STIM2: variants seen among roughly 807,000 people sequenced by gnomAD.
The protein encoded by STIM2 is stromal interaction molecule 2.
Under a neutral mutation model 85.8 loss-of-function variants are expected in STIM2, and 31 were observed. The observed-to-expected ratio is 0.36, with a 90% confidence interval of 0.27 to 0.49. The LOEUF is 0.49. Ranked by LOEUF, STIM2 falls within the 20% of genes least tolerant of loss-of-function variation. STIM2 has a pLI of 0.98. For synonymous variants in STIM2, 356 were observed against 331.1 expected (o/e 1.08, Z -0.82); for missense variants, 841 against 927.6 (o/e 0.91, Z 1.21).
chr4:27,001,374 C>G (rs146847917), intron 5 of STIM2, among the ~76,000 whole-genome samples: 436 of 152,228 alleles, frequency 2.9e-3, no homozygotes, highest in African/African-American at 0.01. Context: ...GGCCCTGGCT[C>G]CTCACTCTTT....
intron 1 of STIM2, among the ~76,000 whole-genome samples, chr4:26,896,288 T>G (rs917904448): frequency 1.3e-5 from 2 of 152,226 alleles, no homozygotes; most frequent in African/African-American, 4.8e-5. Flanking sequence ...CTGGGATAAA[T>G]TTCCTTTTGA....
chr4:26,861,695 A>ATTTTTTTTTTT, intron 1 of STIM2: 1 of 123,992 alleles, frequency 8.1e-6, no homozygotes, highest in Non-Finnish European at 1.6e-5. Flanking sequence ...GACTGGGCTG[A>ATTTTTTTTTTT]TTTTTTTTTT....
In STIM2 at chr4:27,022,506, G is replaced by T; in HGVS notation, c.1764-13G>T. 1 of 1,562,754 alleles carries T rather than the reference G, an allele frequency of 6.4e-7. No homozygotes were observed. The highest frequency in any genetic ancestry group is 8.7e-7 in the Non-Finnish European group (1 of 1,148,934). On this transcript the variant is annotated splice_polypyrimidine_tract_variant and intron_variant, in intron 11 of 11. Coordinates refer to ENST00000467087, the MANE Select transcript of STIM2 (RefSeq NM_020860.4). ...TGATTTAAAATTTGTACCTTTGTTT[G>T]TGTTTCATTCAGGGAAGTGCCAGAC...
intron 3 of STIM2, among the ~76,000 whole-genome samples, chr4:26,986,492 T>C (rs964773029): frequency 6.6e-6 from 1 of 152,218 alleles, no homozygotes; most frequent in Non-Finnish European, 1.5e-5. Context: ...GGCTAAGTGC[T>C]TTGGGTGCAT....
Position 27,009,818 on chromosome 4 carries a change from C to G in STIM2, c.1489+816C>G, listed in dbSNP as rs913959387. On this transcript the variant is annotated intron_variant, in intron 10 of 11. Coordinates refer to ENST00000467087, the MANE Select transcript of STIM2 (RefSeq NM_020860.4). ...TATTTGTTTATTTGAATTATATGCACTTAAGCTTGCCAAATGCAACACTGA... is the reference window on the plus strand; with the variant it reads ...TATTTGTTTATTTGAATTATATGCAGTTAAGCTTGCCAAATGCAACACTGA... Among the ~76,000 whole-genome samples the G allele has an allele frequency of 3.9e-5, 6 of 152,176 alleles. No individual in the cohort carries two copies. The East Asian group carries it at 1.2e-3, about 29-fold the overall frequency.
intron 11 of STIM2, 54 bp downstream of exon 11, chr4:27,018,038 T>G (rs1728795227): frequency 1.2e-5 from 19 of 1,588,184 alleles, no homozygotes; most frequent in Non-Finnish European, 1.6e-5. Context: ...GGGGGTAAGG[T>G]GTGAGGAGGG....
intron 2 of STIM2, among the ~76,000 whole-genome samples, chr4:26,941,682 C>T (rs926771135): frequency 6.6e-6 from 1 of 150,798 alleles, no homozygotes; most frequent in Non-Finnish European, 1.5e-5. Flanking sequence ...AATGGGATCT[C>T]CTAATTATTG....
At chr4:27,020,915 C>A in intron 11 of STIM2, 1 of 1,240,172 alleles carries the variant, frequency 8.1e-7, no homozygotes, top group South Asian at 1.3e-5. Context: ...CAGCTCTGTT[C>A]CCTTCTCACA....
intron 2 of STIM2, among the ~76,000 whole-genome samples, chr4:26,938,913 G>GT (rs371649975): frequency 9.3e-5 from 14 of 150,676 alleles, no homozygotes; most frequent in Non-Finnish European, 1.5e-4. Context: ...TTTCCAGTTT[G>GT]TTTTTTTTTA....
chr4:26,917,869 G>C (rs975584539), intron 1 of STIM2, among the ~76,000 whole-genome samples: 1 of 152,080 alleles, frequency 6.6e-6, no homozygotes, highest in Non-Finnish European at 1.5e-5. Context: ...TGGTACCTGA[G>C]CTCTTATCTT....
At chr4:26,999,096 A>G (rs1490647855) in intron 4 of STIM2, 136 bp from the exon 5 acceptor site, 1 of 313,738 alleles carries the variant, frequency 3.2e-6, no homozygotes, top group African/African-American at 2.2e-5. Context: ...ATTAAATCAC[A>G]CATGGATGAG....
intron 1 of STIM2, among the ~76,000 whole-genome samples, chr4:26,905,944 A>ATG (rs982784687): frequency 3.3e-5 from 5 of 152,176 alleles, no homozygotes; most frequent in African/African-American, 9.6e-5. Context: ...TTGGCTGTTT[A>ATG]TGTGTGTGTG....
intron 2 of STIM2, among the ~76,000 whole-genome samples, chr4:26,950,316 C>T (rs139850444): frequency 6.6e-6 from 1 of 151,414 alleles, no homozygotes; most frequent in East Asian, 1.9e-4. Context: ...ATCTTATGTA[C>T]AAAAACTGCA....
intron 1 of STIM2, among the ~76,000 whole-genome samples, chr4:26,879,451 C>T (rs568320073): frequency 2.6e-5 from 4 of 151,930 alleles, no homozygotes; most frequent in African/African-American, 9.7e-5. Context: ...TATTCAATTA[C>T]AAAACATTTA....
At chr4:27,006,503 T>C (rs1400453172) in intron 7 of STIM2, among the ~76,000 whole-genome samples, 1 of 152,166 alleles carries the variant, frequency 6.6e-6, no homozygotes, top group Non-Finnish European at 1.5e-5. Flanking sequence ...TGCCTCAAGG[T>C]CTTGAGTGTG....
At chr4:27,017,646 A>G (rs1282275177) in intron 10 of STIM2, 65 bp from the exon 11 acceptor site, 6 of 1,583,502 alleles carry the variant, frequency 3.8e-6, no homozygotes, top group Non-Finnish European at 2.6e-6. Flanking sequence ...GTGTGTATGT[A>G]TTTGTGGTGA....
intron 2 of STIM2, among the ~76,000 whole-genome samples, chr4:26,928,890 A>G (rs1252299383): frequency 6.6e-6 from 1 of 152,218 alleles, no homozygotes. Context: ...TTAATATTTA[A>G]AAACAGAAGA....
intron 1 of STIM2, among the ~76,000 whole-genome samples, chr4:26,884,973 T>C (rs1723160391): frequency 6.6e-6 from 1 of 152,240 alleles, no homozygotes; most frequent in Non-Finnish European, 1.5e-5. Flanking sequence ...CTTTGAATTA[T>C]AAAACTTGCT....
chr4:26,894,855 A>G (rs1291679372), intron 1 of STIM2, among the ~76,000 whole-genome samples: 1 of 152,260 alleles, frequency 6.6e-6, no homozygotes. Context: ...CACTGGTTCT[A>G]TTAAATTGAT....
Sources: gnomAD v4.1 joint callset for allele counts (sites outside exome capture counted in the v4.1 genomes callset) on GRCh38, gnomAD v4.1.1 for gene constraint, MANE v1.5 for transcripts, NCBI Gene and HGNC (gene_info 2026-07-23, HGNC 2026-07-21) for gene names.